SEMA3C: variants seen among roughly 807,000 people sequenced by gnomAD.
The protein encoded by SEMA3C is semaphorin-3C.
Under a neutral mutation model 89.4 loss-of-function variants are expected in SEMA3C, and 47 were observed. The ratio of observed to expected loss-of-function variants is 0.53; its 90% CI spans 0.42 to 0.67. The LOEUF (loss-of-function observed/expected upper bound fraction) is 0.67, where lower values mean the gene tolerates loss of function less well. Ranked by LOEUF, SEMA3C falls within the 30% of genes least tolerant of loss-of-function variation. The pLI, the probability that SEMA3C is intolerant of heterozygous loss-of-function variation, is 0.00. For missense variants in SEMA3C, 839 were observed against 929.1 expected, an observed-to-expected ratio of 0.90 and a Z score of 1.26; for synonymous variants, 310 against 320.2, an observed-to-expected ratio of 0.97 and a Z score of 0.34.
intron 4 of SEMA3C, among the ~76,000 whole-genome samples, chr7:80,825,313 T>C (rs1228434478): frequency 6.6e-6 from 1 of 152,118 alleles, no homozygotes; most frequent in Non-Finnish European, 1.5e-5. Flanking sequence ...TTCCCAGCAC[T>C]CAACAATGTT....
chr7:80,786,301 A>C (rs1788800448), intron 12 of SEMA3C, among the ~76,000 whole-genome samples: 1 of 152,218 alleles, frequency 6.6e-6, no homozygotes, highest in Non-Finnish European at 1.5e-5. Flanking sequence ...TTCTATGAAT[A>C]AATACTGCTG....
chr7:80,879,626 C>T (rs1049873244), intron 2 of SEMA3C, among the ~76,000 whole-genome samples: 1 of 152,134 alleles, frequency 6.6e-6, no homozygotes, highest in Non-Finnish European at 1.5e-5. Context: ...TATGTTACAG[C>T]CTGCAGCTAT....
chr7:80,785,262 T>C (rs1788775876), intron 12 of SEMA3C, among the ~76,000 whole-genome samples: 1 of 152,150 alleles, frequency 6.6e-6, no homozygotes, highest in African/African-American at 2.4e-5. Flanking sequence ...ATATTCAAAG[T>C]GAATATCATT....
At chr7:80,858,031 CTGTTA>C (rs909396586) in intron 2 of SEMA3C, among the ~76,000 whole-genome samples, 7 of 151,848 alleles carry the variant, frequency 4.6e-5, no homozygotes, top group Admixed American at 2.0e-4. Context: ...ATGGGGAATC[CTGTTA>C]TGTTATGATA....
chr7:80,874,316 C>T (rs1791145643), intron 2 of SEMA3C, among the ~76,000 whole-genome samples: 1 of 152,062 alleles, frequency 6.6e-6, no homozygotes, highest in South Asian at 2.1e-4. Flanking sequence ...CTTTCAAAGT[C>T]CTTTGCATAC....
chr7:80,754,953 TTTTG>T (rs1328630703), intron 15 of SEMA3C, among the ~76,000 whole-genome samples: 1,624 of 120,570 alleles, frequency 0.013, 35 homozygotes, highest in African/African-American at 0.046. Flanking sequence ...AATTGTTTTT[TTTTG>T]TTTTTTTTTT....
upstream of SEMA3C, among the ~76,000 whole-genome samples, chr7:80,920,145 T>C (rs1792380744): frequency 1.3e-5 from 2 of 152,202 alleles, no homozygotes; most frequent in South Asian, 2.1e-4. Flanking sequence ...CAGAGGTATT[T>C]TTCCAGCATT....
chr7:80,750,289 G>A (rs934352618), intron 16 of SEMA3C, among the ~76,000 whole-genome samples: 2 of 151,336 alleles, frequency 1.3e-5, no homozygotes, highest in African/African-American at 4.9e-5. Context: ...TTAATTGAGG[G>A]ACATAAAGCA....
At chr7:80,912,296 A>C (rs115903938) in intron 2 of SEMA3C, among the ~76,000 whole-genome samples, 2,770 of 152,272 alleles carry the variant, frequency 0.018, 84 homozygotes, top group African/African-American at 0.063. Flanking sequence ...CCTCCAATTC[A>C]AGTCTACTAG....
chr7:80,872,227 T>C (rs1562916781), intron 2 of SEMA3C, among the ~76,000 whole-genome samples: 1 of 152,122 alleles, frequency 6.6e-6, no homozygotes, highest in Non-Finnish European at 1.5e-5. Context: ...CTCGGCTCAC[T>C]GCAACCTCCG....
chr7:80,828,933 T>C (rs1789945704), intron 2 of SEMA3C, among the ~76,000 whole-genome samples, 188 bp from the exon 3 acceptor site: 1 of 152,138 alleles, frequency 6.6e-6, no homozygotes, highest in Non-Finnish European at 1.5e-5. Flanking sequence ...GAGGCAAAGG[T>C]ATGATGGTCA....
intron 12 of SEMA3C, among the ~76,000 whole-genome samples, chr7:80,766,927 C>T (rs929075064): frequency 5.3e-5 from 8 of 152,196 alleles, no homozygotes; most frequent in Admixed American, 3.3e-4. Flanking sequence ...ATGCTCTCCT[C>T]CCACGTGCTG....
rs751469979 is a variant in SEMA3C, at chr7:80,852,677, A to ATTTT, written c.104-23936_104-23933dup. ...TTAAAGTGAGCAAAGCTGAATAGAC[A>ATTTT]TTTTTTTTTTTTTTTTTTTGAGACA... On this transcript the variant is annotated intron_variant, in intron 2 of 17. Coordinates refer to ENST00000265361, the MANE Select transcript of SEMA3C (RefSeq NM_006379.5). Among the ~76,000 whole-genome samples the ATTTT allele has an allele frequency of 4.3e-3, 599 of 137,954 alleles. 7 individuals carry two copies. Among genetic ancestry groups the ATTTT allele is most frequent in the African/African-American group, 0.014 (539 of 37,434 alleles). 90.5% of individuals were successfully genotyped at this position (137,954 alleles called of 152,430 possible).
chr7:80,777,079 A>G (rs562618131), intron 12 of SEMA3C, among the ~76,000 whole-genome samples: 15 of 152,136 alleles, frequency 9.9e-5, no homozygotes, highest in Non-Finnish European at 1.2e-4. Flanking sequence ...AGGCTTATAC[A>G]TATTTTATCT....
At chr7:80,916,644 A>G in intron 2 of SEMA3C, 35 bp downstream of exon 2, 1 of 1,574,124 alleles carries the variant, frequency 6.4e-7, no homozygotes, top group South Asian at 1.2e-5. Flanking sequence ...AACTTAAAAT[A>G]ACATTTTTCC....
At chr7:80,819,254 T>A (rs1341107818) in intron 4 of SEMA3C, among the ~76,000 whole-genome samples, 2 of 152,354 alleles carry the variant, frequency 1.3e-5, no homozygotes, top group East Asian at 3.9e-4. Context: ...TCCACTGATT[T>A]ATTTCAAGAG....
At chr7:80,898,623 G>A (rs1394395349) in intron 2 of SEMA3C, among the ~76,000 whole-genome samples, 2 of 152,034 alleles carry the variant, frequency 1.3e-5, no homozygotes, top group Admixed American at 6.6e-5. Flanking sequence ...ACAGGACATG[G>A]GAATCAGGCT....
At chr7:80,748,830 G>A (rs1736392397) in intron 17 of SEMA3C, 68 bp downstream of exon 17, 14 of 1,463,650 alleles carry the variant, frequency 9.6e-6, no homozygotes, top group South Asian at 6.9e-5. Context: ...TCTGAGCCTC[G>A]CTGAGGGACA....
rs77127851 is a variant in SEMA3C at position 80,895,285 on chromosome 7, T to C, written c.103+21394A>G. Among the ~76,000 whole-genome samples, 116 of 152,274 alleles carry C rather than the reference T, an allele frequency of 7.6e-4. 1 individual carries two copies. The highest frequency in any genetic ancestry group is 2.7e-3 in the African/African-American group (112 of 41,554). On this transcript the variant is annotated intron_variant, in intron 2 of 17. Transcript: ENST00000265361. ...GGTCATGAATAAGAGGAAATTTGAA[T>C]GTAAAGGGCAGAAAGCAATGGAAAA... is the stretch of plus-strand genomic sequence containing the variant.
Sources: gnomAD v4.1 joint callset for allele counts (sites outside exome capture counted in the v4.1 genomes callset) on GRCh38, gnomAD v4.1.1 for gene constraint, MANE v1.5 for transcripts, NCBI Gene and HGNC (gene_info 2026-07-23, HGNC 2026-07-21) for gene names.